Variants in EML5 observed in about 807,000 individuals in gnomAD.
EML5 encodes the protein echinoderm microtubule-associated protein-like 5.
EML5 carries 120 observed loss-of-function variants against 250.0 expected under a neutral mutation model. The observed-to-expected ratio is 0.48, with a 90% confidence interval of 0.41 to 0.56. EML5 has a LOEUF of 0.56. Ranked by LOEUF, EML5 falls within the 20% of genes least tolerant of loss-of-function variation. The probability of loss-of-function intolerance (pLI) is 0.00; values close to 1 mark genes in which losing one functional copy is unlikely to be tolerated. For synonymous variants in EML5, 771 were observed against 806.5 expected, an observed-to-expected ratio of 0.96 and a Z score of 0.75; for missense variants, 2,006 against 2,437.6, an observed-to-expected ratio of 0.82 and a Z score of 3.73.
chr14:88,722,312 T>C (rs1182662763), intron 8 of EML5, among the ~76,000 whole-genome samples: 1 of 152,220 alleles, frequency 6.6e-6, no homozygotes, highest in East Asian at 1.9e-4. Context: ...GATGCATGCA[T>C]GTGTATGTTC....
chr14:88,741,287 T>C (rs941294866), intron 4 of EML5, among the ~76,000 whole-genome samples: 9 of 151,966 alleles, frequency 5.9e-5, no homozygotes, highest in Non-Finnish European at 1.2e-4. Flanking sequence ...ATAGAAACAT[T>C]AAGGATAGGA....
At chr14:88,735,486 A>G (rs1452819396) in intron 7 of EML5, among the ~76,000 whole-genome samples, 1 of 152,218 alleles carries the variant, frequency 6.6e-6, no homozygotes, top group Non-Finnish European at 1.5e-5. Flanking sequence ...AGAGAAATAC[A>G]TATTTTCAAA....
chr14:88,781,935 A>C (rs184996902), intron 1 of EML5, among the ~76,000 whole-genome samples: 1 of 152,318 alleles, frequency 6.6e-6, no homozygotes, highest in African/African-American at 2.4e-5. Flanking sequence ...GATACCCAAA[A>C]ATGTGGAAGT....
At chr14:88,753,455 G>A (rs1209756847) in intron 2 of EML5, among the ~76,000 whole-genome samples, 1 of 152,122 alleles carries the variant, frequency 6.6e-6, no homozygotes, top group Admixed American at 6.5e-5. Flanking sequence ...TAAAATTGAG[G>A]TCTATAAAAC....
intron 7 of EML5, 113 bp downstream of exon 7, chr14:88,736,251 G>T: frequency 8.6e-7 from 1 of 1,166,246 alleles, no homozygotes; most frequent in Non-Finnish European, 1.2e-6. Context: ...TGCCCGCCTT[G>T]GCCTCCCAAA....
chr14:88,615,489 C>G lies in EML5; in HGVS notation c.*329G>C. ...ATTATCCAAATTGGGTTTTTGAGTT[C>G]TTCTGTAAAGAGTGCTCTACCCTAA... On this transcript the variant is annotated 3_prime_UTR_variant, in exon 44 of 44. Coordinates refer to ENST00000554922, the MANE Select transcript of EML5 (RefSeq NM_183387.3). 3.9e-6 allele frequency: 1 copy of G among 256,302 alleles called. No individual in the cohort carries two copies. Among genetic ancestry groups the G allele is most frequent in the East Asian group, 7.0e-5 (1 of 14,190 alleles). The allele number at this position is 256,302 out of a possible 1,614,324, so 15.9% of individuals were successfully genotyped here.
Position 88,663,088 on chromosome 14 carries a change from C to T in EML5, c.3441G>A (p.Lys1147=), listed in dbSNP as rs970374988. 5 of 1,553,268 alleles carry T rather than the reference C, an allele frequency of 3.2e-6. No homozygotes were observed. In the African/African-American group the frequency reaches 6.8e-5, roughly 21 times the overall value. The change falls in exon 24 of 44, where the codon AAG becomes AAA. Residue 1147 remains lysine (K), a synonymous_variant. Transcript: ENST00000554922. ...GKLLQVNTGA[K]EQLFFEAPRG... is the part of the protein sequence containing the mutation. ...TGGGAGCTTCAAAGAATAATTGTTC[C>T]TTAGCACCAGTGTTGACCTGTAAAA... is the stretch of plus-strand genomic sequence containing the variant.
At chr14:88,771,460 C>G (rs1029975158) in intron 1 of EML5, among the ~76,000 whole-genome samples, 2 of 152,170 alleles carry the variant, frequency 1.3e-5, no homozygotes, top group Non-Finnish European at 2.9e-5. Context: ...ACTATGCTTT[C>G]TGGAATTATT....
chr14:88,764,436 T>A (rs1169267845), intron 1 of EML5, among the ~76,000 whole-genome samples: 1 of 152,180 alleles, frequency 6.6e-6, no homozygotes, highest in Admixed American at 6.5e-5. Context: ...CCTTTTAACG[T>A]CTTTAGGTCA....
intron 27 of EML5, among the ~76,000 whole-genome samples, chr14:88,651,736 G>T (rs1384970332): frequency 6.6e-6 from 1 of 151,372 alleles, no homozygotes; most frequent in Non-Finnish European, 1.5e-5. Context: ...ATATTTATCT[G>T]TATTTATCTA....
chr14:88,770,580 G>A (rs961316835), intron 1 of EML5, among the ~76,000 whole-genome samples: 2 of 152,124 alleles, frequency 1.3e-5, no homozygotes, highest in African/African-American at 2.4e-5. Context: ...TATTGGATAG[G>A]AGCTGAATGT....
chr14:88,678,494 A>G (rs922932249), intron 21 of EML5, among the ~76,000 whole-genome samples: 1 of 152,208 alleles, frequency 6.6e-6, no homozygotes, highest in African/African-American at 2.4e-5. Flanking sequence ...ACGGCATAGC[A>G]GACTAGTCTT....
At chr14:88,702,380 AT>A in intron 14 of EML5, 65 bp downstream of exon 14, 1 of 1,249,182 alleles carries the variant, frequency 8.0e-7, no homozygotes, top group Non-Finnish European at 1.1e-6. Flanking sequence ...GAGATATGTG[AT>A]TAATTTATTT....
intron 1 of EML5, among the ~76,000 whole-genome samples, chr14:88,765,935 G>A (rs896169170): frequency 2.6e-5 from 4 of 152,216 alleles, no homozygotes; most frequent in African/African-American, 7.2e-5. Flanking sequence ...AACATAAATT[G>A]TGAAGATTTC....
intron 2 of EML5, 148 bp downstream of exon 2, chr14:88,754,364 A>C (rs1482900082): frequency 3.4e-6 from 2 of 593,958 alleles, no homozygotes; most frequent in Non-Finnish European, 5.4e-6. Context: ...CCATTGTTAT[A>C]TATCAACCTC....
chr14:88,657,253 G>A (rs572189687), intron 27 of EML5, 123 bp downstream of exon 27: 35 of 961,944 alleles, frequency 3.6e-5, no homozygotes, highest in Non-Finnish European at 5.1e-5. Context: ...AAGAGGTGCT[G>A]TGAATTGTCT....
At position 88,666,454 on chromosome 14, in the gene EML5, G is replaced by A. The variant is rs146655907; in HGVS notation, c.3125-965C>T. Among the ~76,000 whole-genome samples, 256 of 152,134 alleles carry A rather than the reference G, an allele frequency of 1.7e-3. 3 individuals carry two copies. Among genetic ancestry groups the A allele is most frequent in the African/African-American group, 5.9e-3 (243 of 41,434 alleles). ...TTGGTCAGGCTGGTCCTGAACTCCTGACCTCAGGTGAACCACCTGCCTCAG... is the reference window on the plus strand; with the variant it reads ...TTGGTCAGGCTGGTCCTGAACTCCTAACCTCAGGTGAACCACCTGCCTCAG... On this transcript the variant is annotated intron_variant, in intron 21 of 43. Coordinates refer to ENST00000554922, the MANE Select transcript of EML5 (RefSeq NM_183387.3).
At position 88,772,903 on chromosome 14, in the gene EML5, T is replaced by A. The variant is rs2094408916; in HGVS notation, c.198-18232A>T. The stretch of plus-strand genomic sequence containing the variant: ...ATCAAAGTCTTTGTCTGGAATGACC[T>A]CCCAAATCTTTGCCGCATTCATATT... On this transcript the variant is annotated intron_variant, in intron 1 of 43. Coordinates refer to ENST00000554922, the MANE Select transcript of EML5 (RefSeq NM_183387.3). 4.6e-5 allele frequency among the ~76,000 whole-genome samples: 7 copies of A among 152,326 alleles called. No homozygotes were observed. In the South Asian group the frequency reaches 1.4e-3, roughly 32 times the overall value.
In EML5 at chr14:88,777,502, C is replaced by T. The variant is rs184605368; in HGVS notation, c.197+14805G>A. 1.2e-3 allele frequency among the ~76,000 whole-genome samples: 178 copies of T among 152,172 alleles called. 1 individual carries two copies. Among genetic ancestry groups the T allele is most frequent in the Admixed American group, 1.9e-3 (29 of 15,286 alleles). ...TAATCCCAAGTGGGTTTTGAAGGTACAAAACTCACTGGTAATAGTAAGTAC... is the reference window on the plus strand; with the variant it reads ...TAATCCCAAGTGGGTTTTGAAGGTATAAAACTCACTGGTAATAGTAAGTAC... On this transcript the variant is annotated intron_variant, in intron 1 of 43. Transcript: ENST00000554922.
Sources: allele counts gnomAD v4.1 joint callset (sites outside exome capture counted in the v4.1 genomes callset), GRCh38; gene constraint gnomAD v4.1.1; transcripts MANE v1.5; gene names NCBI Gene and HGNC (gene_info 2026-07-23, HGNC 2026-07-21).